NSUN2: variants seen among roughly 807,000 people sequenced by gnomAD.
NSUN2 encodes the protein RNA cytosine C(5)-methyltransferase NSUN2.
In NSUN2, 63 loss-of-function variants were observed where a neutral mutation model predicts 92.7. That is an observed-to-expected ratio of 0.68 (90% CI 0.56 to 0.84). The LOEUF is 0.84. Ranked by LOEUF, NSUN2 falls within the 40% of genes least tolerant of loss-of-function variation. The probability of loss-of-function intolerance (pLI) is 0.00; values close to 1 mark genes in which losing one functional copy is unlikely to be tolerated. For synonymous variants in NSUN2, 356 were observed against 348.3 expected (o/e 1.02, Z -0.25); for missense variants, 989 against 964.9 (o/e 1.02, Z -0.33).
chr5:6,625,852 T>C (rs1229413886), intron 3 of NSUN2, among the ~76,000 whole-genome samples, 183 bp from the exon 4 acceptor site: 2 of 152,184 alleles, frequency 1.3e-5, no homozygotes, highest in African/African-American at 4.8e-5. Flanking sequence ...TTAAGGAACA[T>C]GGCTCTAGCT....
Position 6,622,028 on chromosome 5 carries a change from C to T in NSUN2, c.610G>A (p.Val204Ile), listed in dbSNP as rs765586893. The change falls in exon 6 of 19, where the codon GTC becomes ATC. Residue 204 changes from valine to isoleucine, a missense_variant. Val to Ile is a conservative substitution (Grantham distance 29). Around this residue, in one of 3 missense-constraint regions of NSUN2, gnomAD observed 356 missense variants for 338.6 expected, o/e 1.05. Coordinates refer to ENST00000264670, the MANE Select transcript of NSUN2 (RefSeq NM_017755.6). ...LIEMLHADMN[V>I]PFPEGFVIAN... ...GTCCAATGCATACCTGGAAAGGGGACATTCATGTCGGCATGTAGCATTTCA... is the reference window on the plus strand; with the variant it reads ...GTCCAATGCATACCTGGAAAGGGGATATTCATGTCGGCATGTAGCATTTCA... 5.6e-6 allele frequency: 9 copies of T among 1,613,722 alleles called. No homozygotes were observed. The highest frequency in any genetic ancestry group is 7.6e-6 in the Non-Finnish European group (9 of 1,179,694).
At chr5:6,612,033 G>A (rs1475008429) in intron 9 of NSUN2, among the ~76,000 whole-genome samples, 1 of 152,192 alleles carries the variant, frequency 6.6e-6, no homozygotes, top group African/African-American at 2.4e-5. Context: ...GGTCTGCTAG[G>A]GTGACGGGAA....
At chr5:6,631,391 G>A (rs1737885741) in intron 3 of NSUN2, among the ~76,000 whole-genome samples, 1 of 152,192 alleles carries the variant, frequency 6.6e-6, no homozygotes, top group Non-Finnish European at 1.5e-5. Flanking sequence ...TGGGTGCTGA[G>A]ACTCGGAAAT....
chr5:6,623,256 G>A lies in NSUN2; in HGVS notation c.495C>T (p.Ser165=). 2 of 1,601,348 alleles carry A rather than the reference G, an allele frequency of 1.2e-6. No individual in the cohort carries two copies. Among genetic ancestry groups the A allele is most frequent in the African/African-American group, 1.4e-5 (1 of 73,002 alleles). The change falls in exon 5 of 19, where the codon AGC becomes AGT. Residue 165 remains serine, a synonymous_variant. Coordinates refer to ENST00000264670, the MANE Select transcript of NSUN2 (RefSeq NM_017755.6). ...SGNISRQEAV[S]MIPPLLLNVR... is the part of the protein sequence containing the mutation. ...CGTTGAGGAGCAGTGGTGGGATCATGCTAACAGCTTCTTGACGACTAATAT... is the reference window on the plus strand; with the variant it reads ...CGTTGAGGAGCAGTGGTGGGATCATACTAACAGCTTCTTGACGACTAATAT...
intron 9 of NSUN2, among the ~76,000 whole-genome samples, chr5:6,612,555 C>A (rs1402915323): frequency 1.3e-5 from 2 of 152,198 alleles, no homozygotes; most frequent in Non-Finnish European, 1.5e-5. Context: ...AGCACAGATA[C>A]TGATGTGACA....
At chr5:6,611,607 G>T in intron 10 of NSUN2, 118 bp downstream of exon 10, 1 of 740,058 alleles carries the variant, frequency 1.4e-6, no homozygotes. Context: ...GATTCTAATT[G>T]GCATAACCAG....
At chr5:6,627,314 T>C (rs1489464109) in intron 3 of NSUN2, among the ~76,000 whole-genome samples, 1 of 152,252 alleles carries the variant, frequency 6.6e-6, no homozygotes, top group South Asian at 2.1e-4. Context: ...CTGTAACCTC[T>C]ACTTGCAAAC....
At chr5:6,602,523 TTTGCCAGG>T (rs1326653757) in intron 17 of NSUN2, 23 bp from the exon 18 acceptor site, 17 of 1,613,914 alleles carry the variant, frequency 1.1e-5, no homozygotes, top group Non-Finnish European at 1.4e-5. Context: ...CAGACACACA[TTTGCCAGG>T]TTTTCCAGGT....
chr5:6,602,055 C>T (rs747660712), intron 18 of NSUN2, among the ~76,000 whole-genome samples: 33 of 152,174 alleles, frequency 2.2e-4, no homozygotes, highest in Non-Finnish European at 3.5e-4. Context: ...TCCCATGCTC[C>T]GGCCCTAGCA....
At position 6,599,298 on chromosome 5, in the gene NSUN2, A is replaced by C. The variant is rs774646479; in HGVS notation, c.*628T>G. ...ATCCCAACCCCATTTAAAAATAAAA[A>C]TTGTAAAGCACTCCATTCAATAAAA... is the stretch of plus-strand genomic sequence containing the variant. On this transcript the variant is annotated 3_prime_UTR_variant, in exon 19 of 19. Coordinates refer to ENST00000264670, the MANE Select transcript of NSUN2 (RefSeq NM_017755.6). 1 of 152,668 alleles carries C rather than the reference A, an allele frequency of 6.6e-6. No individual in the cohort carries two copies. Among genetic ancestry groups the C allele is most frequent in the Non-Finnish European group, 1.5e-5 (1 of 68,038 alleles). The allele number at this position is 152,668 out of a possible 1,614,324, so 9.5% of individuals were successfully genotyped here.
intron 9 of NSUN2, among the ~76,000 whole-genome samples, chr5:6,612,248 A>T (rs920981059): frequency 4.6e-5 from 7 of 152,192 alleles, no homozygotes; most frequent in Non-Finnish European, 1.0e-4. Flanking sequence ...GGGCTGCAGG[A>T]CGCCTGCTCC....
At chr5:6,604,846 C>G (rs573135530) in intron 15 of NSUN2, 161 bp from the exon 16 acceptor site, 2 of 641,288 alleles carry the variant, frequency 3.1e-6, no homozygotes, top group Non-Finnish European at 5.4e-6. Flanking sequence ...ATACTCACAA[C>G]TTGTGATTAC....
chr5:6,618,896 T>G lies in NSUN2; in HGVS notation c.816-872A>C, dbSNP rs148296501. 9.3e-3 allele frequency among the ~76,000 whole-genome samples: 1,409 copies of G among 152,316 alleles called. 19 individuals are homozygous for G. Among genetic ancestry groups the G allele is most frequent in the African/African-American group, 0.032 (1,328 of 41,576 alleles). ...GATTTTCCTTGATGGTCTAGCCGCG[T>G]GTACACGAGGGACTAGGTCTGCAGG... On this transcript the variant is annotated intron_variant, in intron 7 of 18. Transcript: ENST00000264670.
chr5:6,606,765 T>G, intron 14 of NSUN2, 55 bp downstream of exon 14: 2 of 979,752 alleles, frequency 2.0e-6, no homozygotes, highest in Non-Finnish European at 3.2e-6. Context: ...GTTGTACATT[T>G]GATACTCTAT....
At chr5:6,604,532 C>G in intron 16 of NSUN2, 73 bp downstream of exon 16, 2 of 1,366,652 alleles carry the variant, frequency 1.5e-6, no homozygotes, top group South Asian at 1.2e-5. Context: ...TCTGGCTGAC[C>G]AGCAAGCCCA....
chr5:6,602,762 T>G (rs1736610106), intron 17 of NSUN2, among the ~76,000 whole-genome samples: 1 of 152,162 alleles, frequency 6.6e-6, no homozygotes, highest in Middle Eastern at 3.2e-3. Flanking sequence ...CACCTGACAA[T>G]CCACTCTGAG....
intron 3 of NSUN2, among the ~76,000 whole-genome samples, chr5:6,627,527 T>C (rs1329969031): frequency 6.6e-6 from 1 of 152,250 alleles, no homozygotes; most frequent in East Asian, 1.9e-4. Context: ...AAATATAGCC[T>C]TATATGTCTT....
chr5:6,611,822 CTT>C (rs766664543), intron 9 of NSUN2, 24 bp from the exon 10 acceptor site: 38 of 1,610,646 alleles, frequency 2.4e-5, no homozygotes, highest in Non-Finnish European at 3.1e-5. Flanking sequence ...GCATGGACGT[CTT>C]TTGTTTTTCA....
intron 17 of NSUN2, 30 bp from the exon 18 acceptor site, chr5:6,602,530 G>C (rs759665119): frequency 1.9e-6 from 3 of 1,612,610 alleles, no homozygotes; most frequent in African/African-American, 1.3e-5. Context: ...ACATTTGCCA[G>C]GTTTTCCAGG....
Sources: gnomAD v4.1 joint callset for allele counts (sites outside exome capture counted in the v4.1 genomes callset) on GRCh38, gnomAD v4.1.1 for gene constraint, gnomAD v4.1.1 regional missense constraint, MANE v1.5 for transcripts, NCBI Gene and HGNC (gene_info 2026-07-23, HGNC 2026-07-21) for gene names.